FAM9B: variants seen among roughly 807,000 people sequenced by gnomAD.
The protein encoded by FAM9B is protein FAM9B.
A neutral mutation model predicts 16.6 loss-of-function variants in FAM9B; 18 were observed. That is an observed-to-expected ratio of 1.09 (90% confidence interval 0.75 to 1.61). FAM9B has a LOEUF of 1.61. Ranked by LOEUF, FAM9B falls within the 40% of genes most tolerant of loss-of-function variation. The probability of loss-of-function intolerance (pLI) is 0.00; values close to 1 mark genes in which losing one functional copy is unlikely to be tolerated. For missense variants in FAM9B, 155 were observed against 136.0 expected (o/e 1.14, Z -0.70); for synonymous variants, 43 against 42.6 (o/e 1.01, Z -0.03).
chrX:9,030,336 CT>C lies in FAM9B; in HGVS notation c.205del (p.Arg69GlyfsTer2), dbSNP rs1921032962. The C allele has an allele frequency of 8.3e-7, 1 of 1,198,847 alleles. No individual in the cohort carries two copies. The highest frequency in any genetic ancestry group is 2.2e-5 in the Admixed American group (1 of 44,528). ...TAEDLTAKRKRMKMDKTCSKT... is the reference protein window; with the variant it reads ...TAEDLTAKRKXMKMDKTCSKT... Reference sequence around the variant, plus strand: ...GCTGCAAGTTTTATCCATTTTCATCCTTTTTCTTTTTGCAGTAAGATCCTCT... The same window carrying C: ...GCTGCAAGTTTTATCCATTTTCATCCTTTTCTTTTTGCAGTAAGATCCTCT... On this transcript the variant is annotated frameshift_variant, in exon 5 of 9. Coordinates refer to ENST00000327220, the MANE Select transcript of FAM9B (RefSeq NM_205849.3). LOFTEE classifies it high-confidence loss of function.
Position 9,033,455 on chromosome X carries a change from C to A in FAM9B, c.-89-380G>T, listed in dbSNP as rs1207380252. 5.1e-6 allele frequency: 4 copies of A among 789,607 alleles called. No homozygotes were observed. In the East Asian group the frequency reaches 2.6e-4, roughly 51 times the overall value. The allele number at this position is 789,607 out of a possible 1,213,427, so 65.1% of individuals were successfully genotyped here. On this transcript the variant is annotated intron_variant, in intron 1 of 8. Coordinates refer to ENST00000327220, the MANE Select transcript of FAM9B (RefSeq NM_205849.3). ...TGTCAGGGGCTGCACTGCCACTCGCCCCCCTGGACGCACAGGGGACCCCCG... is the reference window on the plus strand; with the variant it reads ...TGTCAGGGGCTGCACTGCCACTCGCACCCCTGGACGCACAGGGGACCCCCG...
Position 9,025,025 on chromosome X carries a change from C to G in FAM9B, c.*384G>C, listed in dbSNP as rs1920956742. The G allele has an allele frequency of 8.9e-6, 1 of 112,467 alleles. No homozygotes were observed. Among genetic ancestry groups the G allele is most frequent in the African/African-American group, 3.2e-5 (1 of 30,943 alleles). The allele number at this position is 112,467 out of a possible 1,213,427, so 9.3% of individuals were successfully genotyped here. A position where few individuals can be genotyped will look rare whatever the true frequency, so the allele number is the denominator to read the frequency against. ...TAGAGAAAAATGTACTTTTCTATGC[C>G]TGTGCTTTCTACATTTTTGGAACTG... On this transcript the variant is annotated 3_prime_UTR_variant, in exon 9 of 9. Coordinates refer to ENST00000327220, the MANE Select transcript of FAM9B (RefSeq NM_205849.3).
rs148466192 is a variant in FAM9B, at chrX:9,027,750, C to T, written c.492+118G>A. On this transcript the variant is annotated intron_variant, in intron 7 of 8. Coordinates refer to ENST00000327220, the MANE Select transcript of FAM9B (RefSeq NM_205849.3). ...GAACAATACATTCAAAGTGAAAATG[C>T]TAAGTAATTTGAAATGTATAATCAA... 2.9e-3 allele frequency: 1,578 copies of T among 540,655 alleles called. 16 individuals are homozygous for T. In the African/African-American group the frequency reaches 0.034, roughly 11 times the overall value. 44.6% of individuals were successfully genotyped at this position (540,655 alleles called of 1,213,427 possible).
chrX:9,032,863 G>A (rs1270020801), intron 2 of FAM9B, 96 bp downstream of exon 2: 14 of 1,117,238 alleles, frequency 1.3e-5, no homozygotes, highest in Non-Finnish European at 1.6e-5. Flanking sequence ...AAGGGGCCTG[G>A]GGCCTCGGGC....
At chrX:9,027,462 A>G (rs1317336189) in intron 7 of FAM9B, among the ~76,000 whole-genome samples, 3 of 111,370 alleles carry the variant, frequency 2.7e-5, no homozygotes, top group Non-Finnish European at 5.7e-5. Flanking sequence ...ATTTATGCCT[A>G]GTGTTCCATT....
rs1201161443 is a variant in FAM9B at position 9,025,039 on chromosome X, T to G, written c.*370A>C. On this transcript the variant is annotated 3_prime_UTR_variant, in exon 9 of 9. Transcript: ENST00000327220. ...CTTTTCTATGCCTGTGCTTTCTACA[T>G]TTTTGGAACTGATACAAATCCACAG... is the stretch of plus-strand genomic sequence containing the variant. 3 of 112,683 alleles carry G rather than the reference T, an allele frequency of 2.7e-5. No individual in the cohort carries two copies. Among genetic ancestry groups the G allele is most frequent in the Non-Finnish European group, 5.6e-5 (3 of 53,540 alleles). 9.3% of individuals were successfully genotyped at this position (112,683 alleles called of 1,213,427 possible).
Position 9,025,100 on chromosome X carries a change from A to C in FAM9B, c.*309T>G, listed in dbSNP as rs775047145. ...GAAATCTAAATTATCTTTAATGTTA[A>C]AATTTAATTGACCGTGTACATAACT... On this transcript the variant is annotated 3_prime_UTR_variant, in exon 9 of 9. Transcript: ENST00000327220. 8.7e-6 allele frequency: 1 copy of C among 115,328 alleles called. No homozygotes were observed. The highest frequency in any genetic ancestry group is 1.8e-5 in the Non-Finnish European group (1 of 55,402). 9.5% of individuals were successfully genotyped at this position (115,328 alleles called of 1,213,427 possible). A position where few individuals can be genotyped will look rare whatever the true frequency, so the allele number is the denominator to read the frequency against.
chrX:9,026,940 T>G (rs1920972991), intron 7 of FAM9B, among the ~76,000 whole-genome samples: 1 of 111,779 alleles, frequency 8.9e-6, no homozygotes, highest in Admixed American at 9.6e-5. Flanking sequence ...CAAACTCTTT[T>G]CCCAGTTTAT....
chrX:9,032,015 A>C, intron 4 of FAM9B, 115 bp downstream of exon 4: 1 of 615,120 alleles, frequency 1.6e-6, no homozygotes, highest in East Asian at 3.5e-5. Flanking sequence ...GTTAAATGCT[A>C]CATATGAGAA....
chrX:9,027,841 T>A (rs760106524), intron 7 of FAM9B, 27 bp downstream of exon 7: 3 of 1,110,239 alleles, frequency 2.7e-6, no homozygotes, highest in Non-Finnish European at 3.7e-6. Flanking sequence ...TATTTTATAA[T>A]GTATTATGTT....
chrX:9,034,104 T>C lies in FAM9B; in HGVS notation c.-342A>G. 1 of 133,798 alleles carries C rather than the reference T, an allele frequency of 7.5e-6. No individual in the cohort carries two copies. Among genetic ancestry groups the C allele is most frequent in the Non-Finnish European group, 1.4e-5 (1 of 71,330 alleles). The allele number at this position is 133,798 out of a possible 1,213,427, so 11.0% of individuals were successfully genotyped here. A position where few individuals can be genotyped will look rare whatever the true frequency, so the allele number is the denominator to read the frequency against. On this transcript the variant is annotated 5_prime_UTR_variant, in exon 1 of 9. Coordinates refer to ENST00000327220, the MANE Select transcript of FAM9B (RefSeq NM_205849.3). ...AAAGAAAACGGGTCCTCAGTTCTCG[T>C]GAGAGCTGCAGGCAGGACTTCCTGC...
chrX:9,031,958 CA>C (rs1306416139), intron 4 of FAM9B, 171 bp downstream of exon 4: 2 of 417,524 alleles, frequency 4.8e-6, no homozygotes, highest in East Asian at 8.0e-5. Flanking sequence ...CATCAACAAT[CA>C]AAAAGGTAAG....
In FAM9B at chrX:9,025,205, G is replaced by A. The variant is rs5979007; in HGVS notation, c.*204C>T. ...AAACGAGGTCTGGCATTTAACAGAC[G>A]AGTGACAGAGGAGCTATACCGATTT... is the stretch of plus-strand genomic sequence containing the variant. On this transcript the variant is annotated 3_prime_UTR_variant, in exon 9 of 9. Coordinates refer to ENST00000327220, the MANE Select transcript of FAM9B (RefSeq NM_205849.3). 3,229 of 162,114 alleles carry A rather than the reference G, an allele frequency of 0.02. 121 individuals carry two copies. The highest frequency in any genetic ancestry group is 0.09 in the African/African-American group (2,930 of 32,518). The allele number at this position is 162,114 out of a possible 1,213,427, so 13.4% of individuals were successfully genotyped here. A position where few individuals can be genotyped will look rare whatever the true frequency, so the allele number is the denominator to read the frequency against.
rs1168995018 is a variant in FAM9B, at chrX:9,024,741, G to C, written c.*668C>G. On this transcript the variant is annotated 3_prime_UTR_variant, in exon 9 of 9. Coordinates refer to ENST00000327220, the MANE Select transcript of FAM9B (RefSeq NM_205849.3). Reference sequence around the variant, plus strand: ...CTGTCGCCCAGGCTGGAGTGCAGTGGCACAATCTTGGCTTACTGCAACCTC... The same window carrying C: ...CTGTCGCCCAGGCTGGAGTGCAGTGCCACAATCTTGGCTTACTGCAACCTC... 4 of 112,342 alleles carry C rather than the reference G, an allele frequency of 3.6e-5. No individual in the cohort carries two copies. Among genetic ancestry groups the C allele is most frequent in the African/African-American group, 1.3e-4 (4 of 30,930 alleles). The allele number at this position is 112,342 out of a possible 1,213,427, so 9.3% of individuals were successfully genotyped here.
chrX:9,027,351 G>C (rs1920976820), intron 7 of FAM9B, among the ~76,000 whole-genome samples: 1 of 111,659 alleles, frequency 9.0e-6, no homozygotes, highest in Admixed American at 9.6e-5. Context: ...AACAACACAA[G>C]TAAAAAAGCC....
chrX:9,027,463 G>A (rs1322526331), intron 7 of FAM9B, among the ~76,000 whole-genome samples: 1 of 110,994 alleles, frequency 9.0e-6, no homozygotes, highest in East Asian at 2.8e-4. Context: ...TTTATGCCTA[G>A]TGTTCCATTA....
chrX:9,032,960 T>C lies in FAM9B; in HGVS notation c.27A>G (p.Ala9=), dbSNP rs373460079. The C allele has an allele frequency of 8.3e-5, 100 of 1,210,058 alleles. No homozygotes were observed. The highest frequency in any genetic ancestry group is 1.1e-4 in the Non-Finnish European group (98 of 895,158). ...TGGGTCCCCTTGGGCTGTATTTACC[T>C]GCATGCTTCTTCCCCCAGGCCGCCA... MAAWGKKH[A]GKDPVRDECE... Residue 9 remains alanine, a splice_region_variant and synonymous_variant, in exon 2 of 9, where the codon GCA becomes GCG. Transcript: ENST00000327220.
In FAM9B at chrX:9,029,008, A is replaced by T. The variant is rs753131256; in HGVS notation, c.393+299T>A. ...CCATCTCTGCATCTATTCCCTGCCC[A>T]ACTCTCCCTCTATCAATCTGCTCGG... On this transcript the variant is annotated intron_variant, in intron 6 of 8. Coordinates refer to ENST00000327220, the MANE Select transcript of FAM9B (RefSeq NM_205849.3). 2.9e-4 allele frequency among the ~76,000 whole-genome samples: 32 copies of T among 111,087 alleles called. 1 individual carries two copies. Among genetic ancestry groups the T allele is most frequent in the Non-Finnish European group, 5.7e-5 (3 of 52,994 alleles).
chrX:9,025,556 C>T lies in FAM9B; in HGVS notation c.520G>A (p.Asp174Asn). Reference protein sequence around the residue: ...KALEDFEDLCDRVFSDEDSEL... With the variant: ...KALEDFEDLCNRVFSDEDSEL... ...CTGTCTTCATCGGAAAAAACTCTGT[C>T]ACAAAGGTCTTCAAAGTCCTCAAGA... The change falls in exon 8 of 9, where the codon GAC becomes AAC. Residue 174 changes from aspartate to asparagine, a missense_variant. By Grantham distance (23) the Asp-to-Asn change is conservative (BLOSUM62 1). Transcript: ENST00000327220. 8.3e-7 allele frequency: 1 copy of T among 1,207,964 alleles called. No individual in the cohort carries two copies. Among genetic ancestry groups the T allele is most frequent in the Non-Finnish European group, 1.1e-6 (1 of 893,938 alleles).
Sources: allele counts gnomAD v4.1 joint callset (sites outside exome capture counted in the v4.1 genomes callset), GRCh38; gene constraint gnomAD v4.1.1; transcripts MANE v1.5; gene names NCBI Gene and HGNC (gene_info 2026-07-23, HGNC 2026-07-21).